UNC5D: variants seen among roughly 807,000 people sequenced by gnomAD.
UNC5D encodes unc-5 netrin receptor D.
UNC5D carries 39 observed loss-of-function variants against 105.4 expected under a neutral mutation model. The ratio of observed to expected loss-of-function variants is 0.37; its 90% CI spans 0.29 to 0.48. The LOEUF (loss-of-function observed/expected upper bound fraction) is 0.48, where lower values mean the gene tolerates loss of function less well. Ranked by LOEUF, UNC5D falls within the 20% of genes least tolerant of loss-of-function variation. The pLI is 0.98. For synonymous variants in UNC5D, 452 were observed against 450.4 expected, an observed-to-expected ratio of 1.00 and a Z score of -0.04; for missense variants, 991 against 1,202.4, an observed-to-expected ratio of 0.82 and a Z score of 2.60.
intron 1 of UNC5D, among the ~76,000 whole-genome samples, chr8:35,323,457 C>T (rs1442740865): frequency 3.3e-5 from 5 of 152,032 alleles, no homozygotes; most frequent in African/African-American, 9.7e-5. Context: ...GCTGCCCCAA[C>T]CCCCTTTAGT....
At chr8:35,544,156 T>TAGAA (rs1484181461) in intron 1 of UNC5D, among the ~76,000 whole-genome samples, 2 of 152,202 alleles carry the variant, frequency 1.3e-5, no homozygotes, top group African/African-American at 4.8e-5. Context: ...CGAATCCGTG[T>TAGAA]AGAAGGCTTA....
chr8:35,366,810 A>G (rs1318617972), intron 1 of UNC5D, among the ~76,000 whole-genome samples: 3 of 152,174 alleles, frequency 2.0e-5, no homozygotes, highest in Non-Finnish European at 2.9e-5. Flanking sequence ...CATGATTATC[A>G]TCTAAGATAT....
At chr8:35,552,715 G>A (rs771489771) in intron 2 of UNC5D, among the ~76,000 whole-genome samples, 4 of 152,178 alleles carry the variant, frequency 2.6e-5, no homozygotes, top group Non-Finnish European at 5.9e-5. Context: ...TTGGTTTCAG[G>A]AACGTCTCTG....
chr8:35,274,259 G>A lies in UNC5D; in HGVS notation c.103+38372G>A, dbSNP rs538182711. On this transcript the variant is annotated intron_variant, in intron 1 of 16. Coordinates refer to ENST00000404895, the MANE Select transcript of UNC5D (RefSeq NM_080872.4). ...ACCACAGTGCAAAAGGACTGCCAGG[G>A]TGAAAAGCCGAGAGTGAAATGGTTT... Among the ~76,000 whole-genome samples, 15 of 152,302 alleles carry A rather than the reference G, an allele frequency of 9.8e-5. No homozygotes were observed. In the South Asian group the frequency reaches 3.1e-3, roughly 32 times the overall value.
chr8:35,601,508 C>T (rs1586221887), intron 4 of UNC5D, among the ~76,000 whole-genome samples: 1 of 152,060 alleles, frequency 6.6e-6, no homozygotes, highest in Admixed American at 6.6e-5. Flanking sequence ...ATGAAGAGGT[C>T]CTTCACATCC....
intron 3 of UNC5D, among the ~76,000 whole-genome samples, chr8:35,569,843 G>A (rs948787738): frequency 6.6e-6 from 1 of 152,084 alleles, no homozygotes; most frequent in East Asian, 1.9e-4. Context: ...CAGCAGAGGG[G>A]ATTTCAATAT....
chr8:35,698,546 A>G (rs1480493964), intron 7 of UNC5D, among the ~76,000 whole-genome samples: 3 of 152,126 alleles, frequency 2.0e-5, no homozygotes, highest in Non-Finnish European at 4.4e-5. Flanking sequence ...TGTTTTACTT[A>G]GTATATTCTG....
intron 16 of UNC5D, among the ~76,000 whole-genome samples, chr8:35,779,290 G>A (rs1802397325): frequency 6.6e-6 from 1 of 152,178 alleles, no homozygotes; most frequent in Non-Finnish European, 1.5e-5. Flanking sequence ...GCTTTACATA[G>A]AAGTGTTCCC....
intron 1 of UNC5D, among the ~76,000 whole-genome samples, chr8:35,328,801 C>T (rs751445652): frequency 1.3e-5 from 2 of 152,164 alleles, no homozygotes; most frequent in Non-Finnish European, 2.9e-5. Context: ...ACAGGAGTAT[C>T]GTTCCACATA....
intron 4 of UNC5D, among the ~76,000 whole-genome samples, chr8:35,627,960 T>C (rs943484186): frequency 6.6e-5 from 10 of 152,108 alleles, no homozygotes; most frequent in African/African-American, 2.4e-4. Context: ...TATTTACTCA[T>C]CTAATGGGTT....
At chr8:35,699,265 G>GTT (rs1430068211) in intron 7 of UNC5D, among the ~76,000 whole-genome samples, 1 of 151,968 alleles carries the variant, frequency 6.6e-6, no homozygotes, top group African/African-American at 2.4e-5. Flanking sequence ...AGTCCCCCCA[G>GTT]TTTGAAAGAA....
chr8:35,552,079 C>G (rs1015377854), intron 2 of UNC5D, among the ~76,000 whole-genome samples: 10 of 152,190 alleles, frequency 6.6e-5, no homozygotes, highest in Admixed American at 2.6e-4. Context: ...TAATAATTCC[C>G]TATTCATTTC....
chr8:35,499,045 C>A (rs1563475931), intron 1 of UNC5D, among the ~76,000 whole-genome samples: 2 of 152,182 alleles, frequency 1.3e-5, no homozygotes, highest in Non-Finnish European at 2.9e-5. Context: ...GGCTCCTTCA[C>A]ACCCCTTAAC....
In UNC5D at chr8:35,289,343, C is replaced by T. The variant is rs532207820; in HGVS notation, c.103+53456C>T. Among the ~76,000 whole-genome samples the T allele has an allele frequency of 9.9e-5, 15 of 152,276 alleles. No homozygotes were observed. In the South Asian group the frequency reaches 3.1e-3, roughly 32 times the overall value. On this transcript the variant is annotated intron_variant, in intron 1 of 16. Coordinates refer to ENST00000404895, the MANE Select transcript of UNC5D (RefSeq NM_080872.4). ...AATATATGTGCACTAAACATTGTAG[C>T]ACTGAAATACATATAGAAATTATTA...
chr8:35,602,522 C>T (rs1261790112), intron 4 of UNC5D, among the ~76,000 whole-genome samples: 7 of 152,020 alleles, frequency 4.6e-5, no homozygotes, highest in Non-Finnish European at 1.0e-4. Context: ...CCTGGTTTAG[C>T]CTTGGGAGAG....
chr8:35,537,108 A>C (rs1007549147), intron 1 of UNC5D, among the ~76,000 whole-genome samples: 9 of 152,210 alleles, frequency 5.9e-5, no homozygotes, highest in Non-Finnish European at 7.3e-5. Context: ...CTTTTTAGAT[A>C]TTATAGAGCC....
chr8:35,767,668 G>C (rs1287841652), intron 15 of UNC5D, among the ~76,000 whole-genome samples: 1 of 152,156 alleles, frequency 6.6e-6, no homozygotes, highest in African/African-American at 2.4e-5. Flanking sequence ...CATTCTATAA[G>C]GTAAGGAAAT....
intron 4 of UNC5D, among the ~76,000 whole-genome samples, chr8:35,652,648 A>G (rs1234621548): frequency 6.6e-6 from 1 of 151,530 alleles, no homozygotes; most frequent in Admixed American, 6.6e-5. Flanking sequence ...TGTGGTTATC[A>G]CTCACTCCAC....
In UNC5D at chr8:35,748,701, A is replaced by AGT; in HGVS notation, c.1935+6_1935+7insGT. ...CACAGCAGGGCAAATGGGAGGTGAG[A>AGT]CCCTTTACTTCCTTTTTTAAACAGT... On this transcript the variant is annotated splice_region_variant and intron_variant, in intron 12 of 16. Transcript: ENST00000404895. 1 of 1,611,458 alleles carries AGT rather than the reference A, an allele frequency of 6.2e-7. No individual in the cohort carries two copies.
Sources: allele counts gnomAD v4.1 joint callset (sites outside exome capture counted in the v4.1 genomes callset), GRCh38; gene constraint gnomAD v4.1.1; transcripts MANE v1.5; gene names NCBI Gene and HGNC (gene_info 2026-07-23, HGNC 2026-07-21).